Variants in IGF2BP3 observed in about 807,000 individuals in gnomAD.
IGF2BP3 encodes the protein insulin-like growth factor 2 mRNA-binding protein 3.
Under a neutral mutation model 73.8 loss-of-function variants are expected in IGF2BP3, and 9 were observed. The ratio of observed to expected loss-of-function variants is 0.12; its 90% CI spans 0.07 to 0.21. The LOEUF is 0.21. Ranked by LOEUF, IGF2BP3 falls within the 10% of genes least tolerant of loss-of-function variation. The probability of loss-of-function intolerance (pLI) is 1.00; values close to 1 mark genes in which losing one functional copy is unlikely to be tolerated. For synonymous variants in IGF2BP3, 258 were observed against 256.7 expected, an observed-to-expected ratio of 1.01 and a Z score of -0.05; for missense variants, 542 against 714.0, an observed-to-expected ratio of 0.76 and a Z score of 2.75.
At chr7:23,434,131 G>A (rs192443628) in intron 2 of IGF2BP3, among the ~76,000 whole-genome samples, 5 of 150,276 alleles carry the variant, frequency 3.3e-5, no homozygotes, top group African/African-American at 7.3e-5. Context: ...TATGGAATAC[G>A]TATTTTCCAC....
At chr7:23,375,493 A>G (rs1185079126) in intron 3 of IGF2BP3, among the ~76,000 whole-genome samples, 4 of 152,236 alleles carry the variant, frequency 2.6e-5, no homozygotes, top group Non-Finnish European at 4.4e-5. Flanking sequence ...CAAAGGCTAG[A>G]GAATCCTAGA....
At chr7:23,466,792 A>C (rs1788576185) in intron 2 of IGF2BP3, among the ~76,000 whole-genome samples, 3 of 152,232 alleles carry the variant, frequency 2.0e-5, no homozygotes, top group Admixed American at 6.5e-5. Context: ...AGGCACAGTA[A>C]TCTGTATTTA....
intron 3 of IGF2BP3, among the ~76,000 whole-genome samples, chr7:23,412,212 G>C (rs1488272471): frequency 6.6e-6 from 1 of 151,792 alleles, no homozygotes; most frequent in Non-Finnish European, 1.5e-5. Context: ...CAAACTCCTG[G>C]CCTCAAGTGA....
intron 2 of IGF2BP3, among the ~76,000 whole-genome samples, chr7:23,468,261 A>T (rs1788615655): frequency 1.3e-5 from 2 of 151,910 alleles, no homozygotes; most frequent in Admixed American, 6.6e-5. Flanking sequence ...GTAACCAATA[A>T]CCATAATCCC....
intron 3 of IGF2BP3, among the ~76,000 whole-genome samples, chr7:23,378,583 T>TG (rs1367463057): frequency 3.7e-5 from 5 of 136,690 alleles, no homozygotes; most frequent in Non-Finnish European, 7.8e-5. Flanking sequence ...TTTTTTTTTT[T>TG]TTTTTTTTTG....
chr7:23,455,746 C>G (rs1309423814), intron 2 of IGF2BP3, among the ~76,000 whole-genome samples: 1 of 152,102 alleles, frequency 6.6e-6, no homozygotes, highest in Non-Finnish European at 1.5e-5. Context: ...AGTGCGGTGG[C>G]GCGATGTCGA....
At chr7:23,382,894 C>CAAA (rs57466793) in intron 3 of IGF2BP3, among the ~76,000 whole-genome samples, 1,573 of 48,798 alleles carry the variant, frequency 0.032, 64 homozygotes, top group East Asian at 0.044. Flanking sequence ...CTAGCTCTAC[C>CAAA]AAAAAAAAAA....
At chr7:23,366,915 TATC>T (rs1785389590) in intron 3 of IGF2BP3, among the ~76,000 whole-genome samples, 1 of 152,042 alleles carries the variant, frequency 6.6e-6, no homozygotes, top group African/African-American at 2.4e-5. Context: ...TATCAAATGG[TATC>T]ATGCCACTCC....
chr7:23,440,219 T>C (rs957059008), intron 2 of IGF2BP3, among the ~76,000 whole-genome samples: 1 of 150,320 alleles, frequency 6.7e-6, no homozygotes, highest in Non-Finnish European at 1.5e-5. Flanking sequence ...GCCAAGATCG[T>C]GCCACTGCAC....
chr7:23,345,241 C>T (rs771701917), intron 8 of IGF2BP3, among the ~76,000 whole-genome samples: 2 of 152,190 alleles, frequency 1.3e-5, no homozygotes, highest in Admixed American at 6.5e-5. Flanking sequence ...TCAGAGCATC[C>T]ACAGATTCTA....
rs148801050 is a variant in IGF2BP3 at position 23,430,632 on chromosome 7, A to G, written c.237-11808T>C. Among the ~76,000 whole-genome samples, 872 of 152,338 alleles carry G rather than the reference A, an allele frequency of 5.7e-3. 12 individuals carry two copies. Among genetic ancestry groups the G allele is most frequent in the African/African-American group, 0.02 (826 of 41,572 alleles). On this transcript the variant is annotated intron_variant, in intron 2 of 14. Transcript: ENST00000258729. ...CTATTCTTTCTTGGTTTATACAGTTAAGAATCAGCTCTTTAAAAGGTCAAC... is the reference window on the plus strand; with the variant it reads ...CTATTCTTTCTTGGTTTATACAGTTGAGAATCAGCTCTTTAAAAGGTCAAC...
chr7:23,384,095 C>CAAAAAAAA (rs35378177), intron 3 of IGF2BP3, among the ~76,000 whole-genome samples: 20 of 62,410 alleles, frequency 3.2e-4, no homozygotes, highest in East Asian at 1.0e-3. Flanking sequence ...GACTCCATCT[C>CAAAAAAAA]AAAAAAAAAA....
At chr7:23,429,250 T>TTA (rs1491105846) in intron 2 of IGF2BP3, among the ~76,000 whole-genome samples, 6 of 152,232 alleles carry the variant, frequency 3.9e-5, no homozygotes, top group Admixed American at 1.3e-4. Context: ...AGAAAGTCTC[T>TTA]TATATTTGCA....
At chr7:23,448,786 C>T (rs1486001075) in intron 2 of IGF2BP3, among the ~76,000 whole-genome samples, 2 of 152,116 alleles carry the variant, frequency 1.3e-5, no homozygotes, top group Admixed American at 1.3e-4. Context: ...CACAACACCA[C>T]ACCTGGCTAA....
chr7:23,400,587 C>T (rs1446876367), intron 3 of IGF2BP3, among the ~76,000 whole-genome samples: 1 of 152,204 alleles, frequency 6.6e-6, no homozygotes, highest in Non-Finnish European at 1.5e-5. Context: ...TCTGGCTGTA[C>T]TTGTTCCACC....
chr7:23,428,005 C>CA (rs1283153262), intron 2 of IGF2BP3, among the ~76,000 whole-genome samples: 7 of 150,480 alleles, frequency 4.7e-5, no homozygotes, highest in Admixed American at 4.0e-4. Context: ...GACACCATCT[C>CA]AAAAAAAATA....
chr7:23,417,650 C>T (rs891137095), intron 3 of IGF2BP3, among the ~76,000 whole-genome samples: 1 of 152,130 alleles, frequency 6.6e-6, no homozygotes, highest in African/African-American at 2.4e-5. Flanking sequence ...TATTAAATTA[C>T]ATTTTAAATC....
At chr7:23,364,605 G>A (rs995741626) in intron 3 of IGF2BP3, among the ~76,000 whole-genome samples, 1 of 149,214 alleles carries the variant, frequency 6.7e-6, no homozygotes, top group Non-Finnish European at 1.5e-5. Flanking sequence ...TGGCGGTGCA[G>A]TGGGCAACCT....
At chr7:23,371,141 C>A (rs1356710102) in intron 3 of IGF2BP3, among the ~76,000 whole-genome samples, 1 of 149,950 alleles carries the variant, frequency 6.7e-6, no homozygotes, top group Admixed American at 6.6e-5. Context: ...CTTGCCCCAA[C>A]AAACACCTTG....
Sources: allele counts gnomAD v4.1 joint callset (sites outside exome capture counted in the v4.1 genomes callset), GRCh38; gene constraint gnomAD v4.1.1; transcripts MANE v1.5; gene names NCBI Gene and HGNC (gene_info 2026-07-23, HGNC 2026-07-21).